SUMF1: variants seen among roughly 807,000 people sequenced by gnomAD.
The protein encoded by SUMF1 is sulfatase modifying factor 1.
In SUMF1, 48 loss-of-function variants were observed where a neutral mutation model predicts 47.6. The ratio of observed to expected loss-of-function variants is 1.01; its 90% CI spans 0.80 to 1.28. The LOEUF (loss-of-function observed/expected upper bound fraction) is 1.28. Among genes scored for constraint, SUMF1 ranks in the 50% most tolerant of loss-of-function variants. SUMF1 has a pLI of 0.00. For synonymous variants in SUMF1, 230 were observed against 192.1 expected, an observed-to-expected ratio of 1.20 and a Z score of -1.63; for missense variants, 571 against 485.4, an observed-to-expected ratio of 1.18 and a Z score of -1.66.
Position 4,362,172 on chromosome 3 carries a change from G to A in SUMF1, c.1097C>T (p.Ala366Val). 6.2e-7 allele frequency: 1 copy of A among 1,614,168 alleles called. No individual in the cohort carries two copies. The highest frequency in any genetic ancestry group is 8.5e-7 in the Non-Finnish European group (1 of 1,179,994). Residue 366 changes from alanine to valine, a missense_variant, in exon 9 of 9, where the codon GCA (alanine) becomes GTA (valine). Ala to Val is a moderately conservative substitution (Grantham distance 64). Transcript: ENST00000272902. ...SSASNLGFRC[A>V]ADRLPTMD ...GTCCATAGTGGGCAGGCGGTCGGCTGCACAGCGGAATCCCAGATTCGAAGC... is the reference window on the plus strand; with the variant it reads ...GTCCATAGTGGGCAGGCGGTCGGCTACACAGCGGAATCCCAGATTCGAAGC...
intron 8 of SUMF1, among the ~76,000 whole-genome samples, chr3:4,165,689 G>A (rs536144716): frequency 3.9e-5 from 6 of 152,194 alleles, no homozygotes; most frequent in African/African-American, 1.4e-4. Context: ...CCCCATCAGA[G>A]AGAGAATATT....
At chr3:4,081,591 A>G (rs775944269) in intron 8 of SUMF1, among the ~76,000 whole-genome samples, 6 of 152,172 alleles carry the variant, frequency 3.9e-5, no homozygotes, top group Non-Finnish European at 7.3e-5. Context: ...GTATGGGCTC[A>G]AAGAGTACTT....
chr3:4,074,385 C>G (rs1040514643), intron 8 of SUMF1, among the ~76,000 whole-genome samples: 6 of 152,046 alleles, frequency 3.9e-5, no homozygotes, highest in African/African-American at 1.2e-4. Flanking sequence ...CAAGAGAAAG[C>G]AGGAAAGATC....
chr3:4,349,597 A>G (rs1238489615), intron 8 of SUMF1, among the ~76,000 whole-genome samples: 10 of 152,360 alleles, frequency 6.6e-5, no homozygotes, highest in Non-Finnish European at 1.2e-4. Context: ...ATGCCCATCA[A>G]TGGTAGACTG....
intron 8 of SUMF1, among the ~76,000 whole-genome samples, chr3:4,102,403 T>C (rs1417353901): frequency 2.0e-5 from 3 of 152,134 alleles, no homozygotes; most frequent in Admixed American, 1.3e-4. Flanking sequence ...AGACTAACCT[T>C]ACTGCTGTGT....
chr3:4,162,987 G>A (rs1694613347), intron 8 of SUMF1, among the ~76,000 whole-genome samples: 1 of 151,916 alleles, frequency 6.6e-6, no homozygotes, highest in African/African-American at 2.4e-5. Flanking sequence ...CATCACGTTA[G>A]TGCCCATTGC....
At chr3:4,313,119 C>T (rs769377281) in intron 8 of SUMF1, 12 of 1,613,692 alleles carry the variant, frequency 7.4e-6, no homozygotes, top group Non-Finnish European at 1.0e-5. Flanking sequence ...GATGCAGTGA[C>T]CACTGCAGAA....
At chr3:4,420,604 G>A (rs993676772) in intron 3 of SUMF1, among the ~76,000 whole-genome samples, 5 of 152,000 alleles carry the variant, frequency 3.3e-5, no homozygotes, top group South Asian at 2.1e-4. Context: ...CACTCTGTTA[G>A]CCAGGATGGT....
chr3:4,259,779 C>T (rs7629358), intron 8 of SUMF1, among the ~76,000 whole-genome samples: 73,043 of 151,872 alleles, frequency 0.48, 18,209 homozygotes, highest in African/African-American at 0.59. Flanking sequence ...TTTCAGATTA[C>T]AAAAGTATCA....
chr3:4,384,076 T>TA (rs573573394), intron 7 of SUMF1, among the ~76,000 whole-genome samples: 145 of 143,650 alleles, frequency 1.0e-3, no homozygotes, highest in East Asian at 3.7e-3. Context: ...CTTTTCTACT[T>TA]ACCTATTTAC....
At position 4,148,785 on chromosome 3, in the gene SUMF1, C is replaced by G. The variant is rs182083548; in HGVS notation, c.1015-80040G>C. On this transcript the variant is annotated intron_variant and NMD_transcript_variant, in intron 8 of 12. Coordinates refer to the SUMF1 transcript ENST00000448413. ...AATCCTGGCCTAAAAACATTAGCAACTTCCTAAACTAGATCTCTATAGACC... is the reference window on the plus strand; with the variant it reads ...AATCCTGGCCTAAAAACATTAGCAAGTTCCTAAACTAGATCTCTATAGACC... Among the ~76,000 whole-genome samples, 25 of 152,238 alleles carry G rather than the reference C, an allele frequency of 1.6e-4. 1 individual carries two copies. Among genetic ancestry groups the G allele is most frequent in the African/African-American group, 6.0e-4 (25 of 41,538 alleles).
At chr3:4,428,343 A>G (rs963520929) in intron 3 of SUMF1, among the ~76,000 whole-genome samples, 11 of 151,288 alleles carry the variant, frequency 7.3e-5, no homozygotes, top group African/African-American at 2.7e-4. Flanking sequence ...GGGTATATCT[A>G]ATGTTCTTCT....
chr3:4,188,122 T>C (rs571525110), intron 8 of SUMF1, among the ~76,000 whole-genome samples: 15 of 151,996 alleles, frequency 9.9e-5, no homozygotes, highest in Non-Finnish European at 1.9e-4. Context: ...GTACAACTGA[T>C]GAACCTACAC....
intron 2 of SUMF1, 105 bp downstream of exon 2, chr3:4,452,771 C>T (rs1010535957): frequency 7.5e-7 from 1 of 1,328,520 alleles, no homozygotes; most frequent in Non-Finnish European, 1.1e-6. Flanking sequence ...CACAGTTCTG[C>T]CACAGAATGC....
chr3:4,390,605 C>T (rs1700829113), intron 7 of SUMF1, among the ~76,000 whole-genome samples: 1 of 152,116 alleles, frequency 6.6e-6, no homozygotes, highest in Non-Finnish European at 1.5e-5. Flanking sequence ...ATAAAAGAGA[C>T]AGGGTCTCAC....
intron 8 of SUMF1, among the ~76,000 whole-genome samples, chr3:4,243,730 G>A (rs951254580): frequency 1.3e-5 from 2 of 152,172 alleles, no homozygotes; most frequent in Non-Finnish European, 2.9e-5. Context: ...TGAGAAGAAT[G>A]TATATTCTGT....
intron 8 of SUMF1, among the ~76,000 whole-genome samples, chr3:4,162,333 C>T (rs1342206146): frequency 2.0e-5 from 3 of 152,172 alleles, no homozygotes; most frequent in Non-Finnish European, 4.4e-5. Context: ...CACTAGGTTG[C>T]ATGTCCCCCA....
chr3:4,222,234 T>G (rs1228336460), intron 8 of SUMF1, among the ~76,000 whole-genome samples: 1 of 152,056 alleles, frequency 6.6e-6, no homozygotes, highest in Non-Finnish European at 1.5e-5. Flanking sequence ...ACTGAGCATA[T>G]AACTTTTTAT....
chr3:4,271,577 C>A (rs1697305767), intron 8 of SUMF1, among the ~76,000 whole-genome samples: 1 of 152,162 alleles, frequency 6.6e-6, no homozygotes, highest in Admixed American at 6.5e-5. Flanking sequence ...TGGCATCTCA[C>A]TGCAGTCTTG....
Sources: gnomAD v4.1 joint callset for allele counts (sites outside exome capture counted in the v4.1 genomes callset) on GRCh38, gnomAD v4.1.1 for gene constraint, MANE v1.5 for transcripts, NCBI Gene and HGNC (gene_info 2026-07-23, HGNC 2026-07-21) for gene names.